GNAQ: variants seen among roughly 807,000 people sequenced by gnomAD.
GNAQ encodes G protein subunit alpha q, also known as guanine nucleotide-binding protein G(q) subunit alpha.
Under a neutral mutation model 43.9 loss-of-function variants are expected in GNAQ, and 8 were observed. The ratio of observed to expected loss-of-function variants is 0.18; its 90% confidence interval spans 0.11 to 0.33. GNAQ has a LOEUF of 0.33. Among genes scored for constraint, GNAQ ranks in the 10% least tolerant of loss-of-function variants. The probability of loss-of-function intolerance (pLI) is 1.00; values close to 1 mark genes in which losing one functional copy is unlikely to be tolerated. For synonymous variants in GNAQ, 155 were observed against 170.7 expected, an observed-to-expected ratio of 0.91 and a Z score of 0.71; for missense variants, 158 against 450.8, an observed-to-expected ratio of 0.35 and a Z score of 5.88.
intron 2 of GNAQ, among the ~76,000 whole-genome samples, chr9:77,908,091 T>C (rs548574618): frequency 6.6e-6 from 1 of 152,296 alleles, no homozygotes; most frequent in East Asian, 1.9e-4. Flanking sequence ...CCTCACATTT[T>C]GGAGCATATT....
At chr9:77,931,698 A>C (rs1049295550) in intron 1 of GNAQ, among the ~76,000 whole-genome samples, 98 of 152,146 alleles carry the variant, frequency 6.4e-4, no homozygotes, top group African/African-American at 2.3e-3. Flanking sequence ...CCTACATATT[A>C]TGCATATGCT....
intron 1 of GNAQ, among the ~76,000 whole-genome samples, chr9:78,016,605 C>T (rs2118593428): frequency 6.6e-6 from 1 of 152,034 alleles, no homozygotes; most frequent in Admixed American, 6.5e-5. Flanking sequence ...CTGATTGAAC[C>T]CGGGAGGCGG....
At chr9:77,984,237 T>A (rs1443120502) in intron 1 of GNAQ, among the ~76,000 whole-genome samples, 3 of 151,192 alleles carry the variant, frequency 2.0e-5, no homozygotes, top group Non-Finnish European at 4.4e-5. Context: ...TGGCATGATC[T>A]CGGCTCACTG....
intron 5 of GNAQ, among the ~76,000 whole-genome samples, chr9:77,760,222 C>T (rs1484238877): frequency 6.9e-6 from 1 of 145,484 alleles, no homozygotes; most frequent in Non-Finnish European, 1.5e-5. Context: ...CTGGACTTCC[C>T]TCTCCCTCTC....
At chr9:77,764,994 A>G (rs1283940585) in intron 5 of GNAQ, among the ~76,000 whole-genome samples, 2 of 152,122 alleles carry the variant, frequency 1.3e-5, no homozygotes, top group African/African-American at 4.8e-5. Context: ...TACATCTCAT[A>G]TTTTTGTGAA....
At chr9:78,028,893 A>G (rs1216952792) in intron 1 of GNAQ, among the ~76,000 whole-genome samples, 3 of 152,198 alleles carry the variant, frequency 2.0e-5, no homozygotes, top group African/African-American at 7.2e-5. Context: ...AAATAGTGTA[A>G]GTATTGTAGT....
intron 4 of GNAQ, among the ~76,000 whole-genome samples, chr9:77,797,038 T>C (rs1436449): frequency 0.55 from 82,783 of 151,694 alleles, 25,088 homozygotes; most frequent in Middle Eastern, 0.69. Context: ...ATCTCTCTCT[T>C]TTGTTTTTTT....
intron 5 of GNAQ, among the ~76,000 whole-genome samples, chr9:77,733,665 T>C (rs751492972): frequency 6.6e-5 from 10 of 152,168 alleles, no homozygotes; most frequent in Non-Finnish European, 1.3e-4. Context: ...AGTGGACACA[T>C]AAGAGAGCTT....
At chr9:77,818,783 T>A (rs961012831) in intron 2 of GNAQ, among the ~76,000 whole-genome samples, 6 of 152,016 alleles carry the variant, frequency 3.9e-5, no homozygotes, top group African/African-American at 1.4e-4. Flanking sequence ...AAGGATCACT[T>A]GAGGCCAGGA....
intron 5 of GNAQ, among the ~76,000 whole-genome samples, chr9:77,750,305 A>T (rs896571322): frequency 5.3e-5 from 8 of 152,138 alleles, no homozygotes; most frequent in African/African-American, 1.7e-4. Flanking sequence ...TCTTTCTTAA[A>T]TGTAAAATAT....
intron 1 of GNAQ, among the ~76,000 whole-genome samples, chr9:77,930,948 C>T (rs945857552): frequency 6.6e-6 from 1 of 151,998 alleles, no homozygotes; most frequent in South Asian, 2.1e-4. Context: ...CTCATAGAAG[C>T]ATGAACCCTA....
chr9:77,988,804 C>T (rs1823473710), intron 1 of GNAQ, among the ~76,000 whole-genome samples: 1 of 152,206 alleles, frequency 6.6e-6, no homozygotes, highest in Admixed American at 6.5e-5. Flanking sequence ...AAACCAGCCA[C>T]AGGAAGTACC....
chr9:77,760,548 G>A (rs968802350), intron 5 of GNAQ, among the ~76,000 whole-genome samples: 6 of 152,122 alleles, frequency 3.9e-5, no homozygotes, highest in Non-Finnish European at 7.4e-5. Context: ...GCGTGATCTC[G>A]GCTCGCTACA....
intron 2 of GNAQ, among the ~76,000 whole-genome samples, chr9:77,877,854 T>C (rs1828148858): frequency 6.6e-6 from 1 of 152,186 alleles, no homozygotes. Context: ...GTTCAAGTTC[T>C]AGTACCTCCA....
intron 5 of GNAQ, among the ~76,000 whole-genome samples, chr9:77,754,377 C>A (rs566838345): frequency 4.6e-5 from 7 of 152,284 alleles, no homozygotes; most frequent in African/African-American, 1.7e-4. Flanking sequence ...TGGGACACTC[C>A]ATCTGTACTT....
intron 1 of GNAQ, among the ~76,000 whole-genome samples, chr9:77,967,105 G>A (rs765539901): frequency 4.6e-5 from 7 of 152,042 alleles, no homozygotes; most frequent in Non-Finnish European, 7.4e-5. Flanking sequence ...TTATCTTCAC[G>A]GGAAATCTAA....
chr9:77,783,695 A>C (rs1405699597), intron 5 of GNAQ, among the ~76,000 whole-genome samples: 1 of 152,216 alleles, frequency 6.6e-6, no homozygotes, highest in Non-Finnish European at 1.5e-5. Flanking sequence ...GAGAGGCAGG[A>C]TACTAGCACT....
intron 2 of GNAQ, among the ~76,000 whole-genome samples, chr9:77,851,083 A>C (rs2117923987): frequency 6.6e-6 from 1 of 152,342 alleles, no homozygotes; most frequent in South Asian, 2.1e-4. Flanking sequence ...CTAATTTCAT[A>C]TCCTCTCTTT....
intron 2 of GNAQ, among the ~76,000 whole-genome samples, chr9:77,844,473 GA>G (rs1461540158): frequency 1.3e-5 from 2 of 152,004 alleles, no homozygotes; most frequent in Non-Finnish European, 2.9e-5. Flanking sequence ...TAAACCATCA[GA>G]AAAAATTCTG....
Sources: allele counts gnomAD v4.1 joint callset (sites outside exome capture counted in the v4.1 genomes callset), GRCh38; gene constraint gnomAD v4.1.1; transcripts MANE v1.5; gene names NCBI Gene and HGNC (gene_info 2026-07-23, HGNC 2026-07-21).